FHL5: variants seen among roughly 807,000 people sequenced by gnomAD.
FHL5 encodes the protein four and a half LIM domains 5.
A neutral mutation model predicts 32.0 loss-of-function variants in FHL5; 33 were observed. The ratio of observed to expected loss-of-function variants is 1.03; its 90% CI spans 0.78 to 1.38. The LOEUF (loss-of-function observed/expected upper bound fraction) is 1.38, where lower values mean the gene tolerates loss of function less well. FHL5 is among the 40% of genes most tolerant of loss of function. The pLI is 0.00. For missense variants in FHL5, 336 were observed against 343.9 expected (o/e 0.98, Z 0.18); for synonymous variants, 114 against 113.6 (o/e 1.00, Z -0.02).
intron 1 of FHL5, among the ~76,000 whole-genome samples, chr6:96,596,785 T>A (rs968261995): frequency 6.6e-6 from 1 of 152,096 alleles, no homozygotes; most frequent in Non-Finnish European, 1.5e-5. Flanking sequence ...TACAGCTTGA[T>A]GGCTATCTAG....
intron 1 of FHL5, among the ~76,000 whole-genome samples, chr6:96,568,069 G>A (rs768551056): frequency 1.3e-5 from 2 of 151,562 alleles, no homozygotes; most frequent in Non-Finnish European, 3.0e-5. Context: ...TAGAAGAAAA[G>A]CTTTAAACTT....
At chr6:96,563,579 T>C (rs1383399825) in intron 1 of FHL5, among the ~76,000 whole-genome samples, 1 of 152,144 alleles carries the variant, frequency 6.6e-6, no homozygotes, top group Non-Finnish European at 1.5e-5. Context: ...TCTTATAACT[T>C]GCATGTGGAG....
chr6:96,584,272 G>A (rs531129465), intron 1 of FHL5, among the ~76,000 whole-genome samples: 6 of 152,268 alleles, frequency 3.9e-5, no homozygotes, highest in Non-Finnish European at 4.4e-5. Flanking sequence ...GACCTTGACC[G>A]ATGAGGATAA....
chr6:96,587,737 A>G (rs369650486), intron 1 of FHL5, among the ~76,000 whole-genome samples: 3 of 152,216 alleles, frequency 2.0e-5, no homozygotes, highest in East Asian at 3.8e-4. Flanking sequence ...TTTTTTGTTA[A>G]TCATCACTAT....
At chr6:96,615,485 G>T in intron 5 of FHL5, 124 bp from the exon 6 acceptor site, 1 of 659,276 alleles carries the variant, frequency 1.5e-6, no homozygotes. Flanking sequence ...TTCTTTTTTG[G>T]GTTATTTGCC....
At chr6:96,572,105 G>A (rs1770491774) in intron 1 of FHL5, among the ~76,000 whole-genome samples, 1 of 152,140 alleles carries the variant, frequency 6.6e-6, no homozygotes, top group Non-Finnish European at 1.5e-5. Flanking sequence ...CTCAGTTTCT[G>A]CTCAGCTCAG....
At chr6:96,599,893 A>G (rs1161980971) in intron 1 of FHL5, among the ~76,000 whole-genome samples, 1 of 152,194 alleles carries the variant, frequency 6.6e-6, no homozygotes, top group Non-Finnish European at 1.5e-5. Context: ...TTAATCTTTG[A>G]AAGCAAAAAT....
chr6:96,578,160 G>A (rs1028078773), intron 1 of FHL5, among the ~76,000 whole-genome samples: 3 of 152,082 alleles, frequency 2.0e-5, no homozygotes, highest in East Asian at 1.9e-4. Context: ...CCATACTAAT[G>A]AGAGATTTCT....
intron 1 of FHL5, among the ~76,000 whole-genome samples, chr6:96,599,411 T>C (rs577590807): frequency 1.3e-5 from 2 of 152,082 alleles, no homozygotes; most frequent in East Asian, 3.9e-4. Context: ...GTCAGGCTGC[T>C]CTCAAACTCA....
intron 1 of FHL5, among the ~76,000 whole-genome samples, chr6:96,568,089 C>T (rs1324364661): frequency 4.6e-5 from 7 of 151,728 alleles, no homozygotes; most frequent in African/African-American, 1.7e-4. Context: ...TTTCTCCATT[C>T]AGTGTGATAT....
intron 1 of FHL5, among the ~76,000 whole-genome samples, chr6:96,602,217 G>A (rs1044851025): frequency 2.0e-5 from 3 of 152,016 alleles, no homozygotes; most frequent in South Asian, 2.1e-4. Context: ...TTGTATTATC[G>A]TTAATTGCTC....
In FHL5 at chr6:96,610,686, T is replaced by C; in HGVS notation, c.619T>C (p.Tyr207His). 6.2e-7 allele frequency: 1 copy of C among 1,613,758 alleles called. No homozygotes were observed. The change falls in exon 5 of 6, where the codon TAT (tyrosine) becomes CAT (histidine). Residue 207 changes from tyrosine (Y) to histidine (H), a missense_variant. Coordinates refer to ENST00000450218, the MANE Select transcript of FHL5 (RefSeq NM_001322466.2). ...CEEQFMSRDD[Y>H]PFCVDCYNHL... ...AGAACAGTTCATGTCCAGAGACGAC[T>C]ATCCATTCTGCGTGGACTGCTACAA...
intron 1 of FHL5, among the ~76,000 whole-genome samples, chr6:96,597,300 T>C (rs1771055697): frequency 6.6e-6 from 1 of 152,016 alleles, no homozygotes; most frequent in Non-Finnish European, 1.5e-5. Flanking sequence ...ATTTTTATGA[T>C]TTGTTTATTT....
intron 1 of FHL5, among the ~76,000 whole-genome samples, chr6:96,573,269 A>T (rs1040854417): frequency 6.6e-6 from 1 of 152,196 alleles, no homozygotes; most frequent in Non-Finnish European, 1.5e-5. Context: ...ACTGTCTATC[A>T]TCAATTTTGA....
chr6:96,608,760 G>A (rs530148216), intron 4 of FHL5, among the ~76,000 whole-genome samples: 2 of 152,214 alleles, frequency 1.3e-5, no homozygotes, highest in East Asian at 3.9e-4. Context: ...ATCAATCAGT[G>A]GTGAAAACCA....
chr6:96,567,825 C>CTT (rs757441385), intron 1 of FHL5, among the ~76,000 whole-genome samples: 3,519 of 110,456 alleles, frequency 0.032, 159 homozygotes, highest in African/African-American at 0.077. Flanking sequence ...TTTTTGTATT[C>CTT]TTTTTTTTTT....
At chr6:96,587,641 C>A (rs898686782) in intron 1 of FHL5, among the ~76,000 whole-genome samples, 11 of 152,204 alleles carry the variant, frequency 7.2e-5, no homozygotes, top group African/African-American at 2.6e-4. Flanking sequence ...AAGAAAACAT[C>A]CCCTTTATAT....
At chr6:96,590,880 C>G (rs1770901867) in intron 1 of FHL5, among the ~76,000 whole-genome samples, 1 of 151,984 alleles carries the variant, frequency 6.6e-6, no homozygotes, top group Non-Finnish European at 1.5e-5. Flanking sequence ...ATTATTGAAA[C>G]ACAGTGATTC....
At chr6:96,585,800 G>A (rs1562056306) in intron 1 of FHL5, among the ~76,000 whole-genome samples, 1 of 152,104 alleles carries the variant, frequency 6.6e-6, no homozygotes, top group Non-Finnish European at 1.5e-5. Context: ...CCAGAAGACC[G>A]TAATTATATC....
Sources: allele counts gnomAD v4.1 joint callset (sites outside exome capture counted in the v4.1 genomes callset), GRCh38; gene constraint gnomAD v4.1.1; transcripts MANE v1.5; gene names NCBI Gene and HGNC (gene_info 2026-07-23, HGNC 2026-07-21).